TWSG1: variants seen among roughly 807,000 people sequenced by gnomAD.
TWSG1 encodes twisted gastrulation BMP signaling modulator 1.
In TWSG1, 15 loss-of-function variants were observed where a neutral mutation model predicts 23.0. The ratio of observed to expected loss-of-function variants is 0.65; its 90% confidence interval spans 0.44 to 1.00. The LOEUF (loss-of-function observed/expected upper bound fraction) is 1.00, where lower values mean the gene tolerates loss of function less well. Ranked by LOEUF, TWSG1 falls within the 50% of genes least tolerant of loss-of-function variation. The pLI is 0.00. For missense variants in TWSG1, 242 were observed against 278.7 expected (o/e 0.87, Z 0.94); for synonymous variants, 86 against 92.8 (o/e 0.93, Z 0.42).
At chr18:9,341,851 T>G (rs1299563609) in intron 2 of TWSG1, among the ~76,000 whole-genome samples, 2 of 152,082 alleles carry the variant, frequency 1.3e-5, no homozygotes, top group Non-Finnish European at 1.5e-5. Flanking sequence ...AAGTGAGTTT[T>G]AAGAACAGTG....
chr18:9,375,166 CAAAAAAAAAA>C (rs34522798), intron 3 of TWSG1, among the ~76,000 whole-genome samples: 2 of 89,780 alleles, frequency 2.2e-5, no homozygotes, highest in African/African-American at 8.6e-5. Flanking sequence ...TACTCCGTCT[CAAAAAAAAAA>C]AAAAAAAAAA....
intron 3 of TWSG1, among the ~76,000 whole-genome samples, chr18:9,369,261 A>G (rs768350246): frequency 1.3e-5 from 2 of 152,066 alleles, no homozygotes; most frequent in Non-Finnish European, 2.9e-5. Context: ...ATTAATGTCT[A>G]TTCTGATCCT....
chr18:9,352,467 C>T (rs569750462), intron 2 of TWSG1, among the ~76,000 whole-genome samples: 22 of 152,172 alleles, frequency 1.4e-4, no homozygotes, highest in South Asian at 8.3e-4. Flanking sequence ...GCTGGGTCAC[C>T]GGAGCATTTT....
At chr18:9,382,769 C>T (rs182249890) in intron 3 of TWSG1, among the ~76,000 whole-genome samples, 159 of 146,264 alleles carry the variant, frequency 1.1e-3, no homozygotes, top group Non-Finnish European at 1.9e-3. Context: ...ATCATGTGAC[C>T]GCACTCCAGC....
intron 2 of TWSG1, among the ~76,000 whole-genome samples, chr18:9,339,869 A>AT (rs908234470): frequency 6.6e-6 from 1 of 152,154 alleles, no homozygotes; most frequent in African/African-American, 2.4e-5. Context: ...GTGTAAAAAA[A>AT]CTGGAAAAGC....
chr18:9,373,526 ACT>A (rs1265331279), intron 3 of TWSG1, among the ~76,000 whole-genome samples: 2 of 152,260 alleles, frequency 1.3e-5, no homozygotes, highest in South Asian at 2.1e-4. Flanking sequence ...ACAGAATGAG[ACT>A]CTGTCTCAAA....
At chr18:9,381,121 C>T (rs2040654058) in intron 3 of TWSG1, among the ~76,000 whole-genome samples, 2 of 152,148 alleles carry the variant, frequency 1.3e-5, no homozygotes, top group South Asian at 4.1e-4. Context: ...AAACTAAGTG[C>T]CAGCAATGAA....
chr18:9,384,753 C>T (rs2040674527), intron 3 of TWSG1, among the ~76,000 whole-genome samples: 9 of 151,392 alleles, frequency 5.9e-5, no homozygotes, highest in African/African-American at 2.2e-4. Flanking sequence ...TTAAGCTATT[C>T]TCTTGCCTCA....
chr18:9,367,178 C>T (rs926530353), intron 3 of TWSG1, among the ~76,000 whole-genome samples: 3 of 152,102 alleles, frequency 2.0e-5, no homozygotes, highest in African/African-American at 4.8e-5. Context: ...GTGATACTCC[C>T]GCCTTGGCTT....
At position 9,400,590 on chromosome 18, in the gene TWSG1, ACTAT is replaced by A. The variant is rs780692258; in HGVS notation, c.*1068_*1071del. 4 of 152,304 alleles carry A rather than the reference ACTAT, an allele frequency of 2.6e-5. No homozygotes were observed. Among genetic ancestry groups the A allele is most frequent in the Admixed American group, 6.5e-5 (1 of 15,294 alleles). 9.4% of individuals were successfully genotyped at this position (152,304 alleles called of 1,614,324 possible). A position where few individuals can be genotyped will look rare whatever the true frequency, so the allele number is the denominator to read the frequency against. ...GCTGGGAATTATTATGGGAAACAAAACTATCTATGTTCATATTTTGTAATATTTC... is the reference window on the plus strand; with the variant it reads ...GCTGGGAATTATTATGGGAAACAAAACTATGTTCATATTTTGTAATATTTC... On this transcript the variant is annotated 3_prime_UTR_variant, in exon 5 of 5. Coordinates refer to ENST00000262120, the MANE Select transcript of TWSG1 (RefSeq NM_020648.6).
intron 3 of TWSG1, among the ~76,000 whole-genome samples, chr18:9,375,956 C>T (rs1194936602): frequency 2.6e-5 from 4 of 151,956 alleles, no homozygotes; most frequent in Non-Finnish European, 5.9e-5. Flanking sequence ...CGCTCTTTCA[C>T]CCAAGCTGGA....
chr18:9,390,409 C>A (rs888877554), intron 3 of TWSG1, among the ~76,000 whole-genome samples: 1 of 152,164 alleles, frequency 6.6e-6, no homozygotes, highest in Admixed American at 6.5e-5. Flanking sequence ...GATCCGCCCC[C>A]CTCGGCCTCC....
At chr18:9,376,702 C>T (rs917588548) in intron 3 of TWSG1, among the ~76,000 whole-genome samples, 3 of 151,868 alleles carry the variant, frequency 2.0e-5, no homozygotes, top group African/African-American at 7.3e-5. Context: ...CATGGTGGCA[C>T]ACATCTGTAG....
intron 3 of TWSG1, among the ~76,000 whole-genome samples, chr18:9,386,169 A>T (rs1367264695): frequency 6.7e-6 from 1 of 149,158 alleles, no homozygotes; most frequent in Non-Finnish European, 1.5e-5. Context: ...GTCTCAAAAA[A>T]AAAAAAGAAG....
intron 3 of TWSG1, among the ~76,000 whole-genome samples, chr18:9,369,356 C>T (rs1421289290): frequency 6.6e-6 from 1 of 152,050 alleles, no homozygotes; most frequent in Non-Finnish European, 1.5e-5. Flanking sequence ...GCAGCCTCCA[C>T]CTCCCAGGTT....
chr18:9,367,308 T>C (rs1039892579), intron 3 of TWSG1, among the ~76,000 whole-genome samples: 2 of 152,196 alleles, frequency 1.3e-5, no homozygotes, highest in Non-Finnish European at 2.9e-5. Flanking sequence ...GAATTTATTA[T>C]TTCTATCTAA....
At chr18:9,388,699 T>G (rs1271530658) in intron 3 of TWSG1, among the ~76,000 whole-genome samples, 1 of 152,254 alleles carries the variant, frequency 6.6e-6, no homozygotes, top group Non-Finnish European at 1.5e-5. Context: ...TAATGAAATA[T>G]CTGATAATGA....
chr18:9,368,837 A>G (rs541146223), intron 3 of TWSG1, among the ~76,000 whole-genome samples: 13 of 151,978 alleles, frequency 8.6e-5, no homozygotes, highest in African/African-American at 3.1e-4. Flanking sequence ...AATCCCAGCT[A>G]TTCGGGAGGC....
At chr18:9,376,022 C>T (rs905924841) in intron 3 of TWSG1, among the ~76,000 whole-genome samples, 1 of 152,036 alleles carries the variant, frequency 6.6e-6, no homozygotes, top group South Asian at 2.1e-4. Context: ...TCAAGCAATT[C>T]TGCTGCCACA....
Sources: allele counts gnomAD v4.1 joint callset (sites outside exome capture counted in the v4.1 genomes callset), GRCh38; gene constraint gnomAD v4.1.1; transcripts MANE v1.5; gene names NCBI Gene and HGNC (gene_info 2026-07-23, HGNC 2026-07-21).